The following SATB1 variants were observed in gnomAD, a reference collection of about 807,000 sequenced individuals.
The protein encoded by SATB1 is SATB homeobox 1.
SATB1 carries 11 observed loss-of-function variants against 86.9 expected under a neutral mutation model. The observed-to-expected ratio is 0.13, with a 90% confidence interval of 0.08 to 0.21. The LOEUF is 0.21. Ranked by LOEUF, SATB1 falls within the 10% of genes least tolerant of loss-of-function variation. The pLI, the probability that SATB1 is intolerant of heterozygous loss-of-function variation, is 1.00. For missense variants in SATB1, 551 were observed against 937.6 expected, an observed-to-expected ratio of 0.59 and a Z score of 5.39; for synonymous variants, 357 against 357.2, an observed-to-expected ratio of 1.00 and a Z score of 0.01.
At position 18,355,106 on chromosome 3, in the gene SATB1, T is replaced by C. The variant is rs1026191332; in HGVS notation, c.1576-2911A>G. On this transcript the variant is annotated intron_variant, in intron 9 of 10. Transcript: ENST00000338745. ...TGAAATCAGATGCTTCTTAGAAAAA[T>C]ATTTAACGGTGCAGCTGGGAACTGT... 4.6e-5 allele frequency among the ~76,000 whole-genome samples: 7 copies of C among 152,084 alleles called. No individual in the cohort carries two copies. In the East Asian group the frequency reaches 7.7e-4, roughly 17 times the overall value.
At chr3:18,417,976 C>T (rs1234953332) in intron 2 of SATB1, among the ~76,000 whole-genome samples, 1 of 152,126 alleles carries the variant, frequency 6.6e-6, no homozygotes, top group Non-Finnish European at 1.5e-5. Flanking sequence ...AAAGAGGCTT[C>T]TTCTAGAAAT....
At chr3:18,362,621 T>C (rs928476572) in intron 9 of SATB1, among the ~76,000 whole-genome samples, 1 of 151,840 alleles carries the variant, frequency 6.6e-6, no homozygotes, top group Admixed American at 6.6e-5. Flanking sequence ...CATAAAAAAC[T>C]CTGTCAAAGG....
chr3:18,425,547 ATGAG>A (rs549913670), upstream of SATB1, among the ~76,000 whole-genome samples: 3 of 150,336 alleles, frequency 2.0e-5, no homozygotes, highest in South Asian at 2.1e-4. Context: ...TAACTAGTGA[ATGAG>A]TGAGGGAATG....
chr3:18,403,536 T>C (rs1378843652), intron 5 of SATB1, among the ~76,000 whole-genome samples: 1 of 152,156 alleles, frequency 6.6e-6, no homozygotes, highest in African/African-American at 2.4e-5. Context: ...CTGTTTATAA[T>C]ACATATCTGT....
chr3:18,382,297 T>G (rs1002603051), intron 8 of SATB1, among the ~76,000 whole-genome samples: 1 of 151,806 alleles, frequency 6.6e-6, no homozygotes, highest in Non-Finnish European at 1.5e-5. Context: ...ATGTAAAAAA[T>G]GAAGAAAAAA....
intron 9 of SATB1, 61 bp downstream of exon 9, chr3:18,378,109 T>G: frequency 7.1e-7 from 1 of 1,412,024 alleles, no homozygotes. Context: ...GACACTCCTT[T>G]TAATGAAAAT....
intron 7 of SATB1, among the ~76,000 whole-genome samples, chr3:18,390,765 A>G (rs1194659247): frequency 6.6e-6 from 1 of 152,044 alleles, no homozygotes; most frequent in Non-Finnish European, 1.5e-5. Flanking sequence ...GAGGAGGGGG[A>G]AGAAAAAGGG....
intron 9 of SATB1, among the ~76,000 whole-genome samples, chr3:18,354,612 A>T (rs1165532234): frequency 6.6e-6 from 1 of 152,200 alleles, no homozygotes; most frequent in Non-Finnish European, 1.5e-5. Context: ...GATTCATGTA[A>T]GAAAAGCTTC....
In SATB1 at chr3:18,345,840, A is replaced by T. The variant is rs1041471854; in HGVS notation, c.*3330T>A. ...TCTCATTTATTGAGAATATTGTGAC[A>T]ATCAAAGACCTTAATATCAGCCAGA... On this transcript the variant is annotated 3_prime_UTR_variant, in exon 11 of 11. Coordinates refer to ENST00000338745, the MANE Select transcript of SATB1 (RefSeq NM_002971.6). The T allele has an allele frequency of 1.3e-5, 2 of 152,102 alleles. No individual in the cohort carries two copies. Among genetic ancestry groups the T allele is most frequent in the African/African-American group, 4.8e-5 (2 of 41,444 alleles). 9.4% of individuals were successfully genotyped at this position (152,102 alleles called of 1,614,324 possible).
At chr3:18,425,443 G>C (rs1202297663), upstream of SATB1, 3 of 151,530 alleles carry the variant, frequency 2.0e-5, no homozygotes, top group African/African-American at 7.3e-5. Context: ...GGTGCACGGA[G>C]CGGGCGGAAA....
intron 5 of SATB1, among the ~76,000 whole-genome samples, chr3:18,412,515 A>G (rs915763712): frequency 6.6e-6 from 1 of 151,988 alleles, no homozygotes; most frequent in Non-Finnish European, 1.5e-5. Context: ...TAAAACCCTT[A>G]CTGTACAGTA....
intron 5 of SATB1, among the ~76,000 whole-genome samples, chr3:18,400,642 C>T (rs1697212690): frequency 6.6e-6 from 1 of 152,148 alleles, no homozygotes; most frequent in Admixed American, 6.6e-5. Flanking sequence ...AGATGTGATA[C>T]AATTAGCACA....
intron 5 of SATB1, among the ~76,000 whole-genome samples, chr3:18,404,582 A>G (rs1697427330): frequency 6.6e-6 from 1 of 152,060 alleles, no homozygotes; most frequent in Non-Finnish European, 1.5e-5. Flanking sequence ...TTTCCTAAAG[A>G]TGAAAATGTG....
intron 2 of SATB1, chr3:18,435,003 G>A (rs1276543820): frequency 1.3e-5 from 2 of 152,002 alleles, no homozygotes; most frequent in Admixed American, 1.3e-4. Flanking sequence ...TTTTCTAAAC[G>A]TTGTGTATTA....
chr3:18,445,299 C>A (rs1244860886), intron 1 of SATB1: 9 of 985,494 alleles, frequency 9.1e-6, no homozygotes, highest in Non-Finnish European at 1.1e-5. Flanking sequence ...GCCGCCGCCG[C>A]CGCCGCCGCT....
intron 9 of SATB1, among the ~76,000 whole-genome samples, chr3:18,372,470 G>A (rs1364408261): frequency 6.6e-6 from 1 of 152,142 alleles, no homozygotes; most frequent in Non-Finnish European, 1.5e-5. Flanking sequence ...GAGATCTTCT[G>A]TTCATTTTTT....
At chr3:18,423,154 ATGG>A (rs1279569424) in intron 1 of SATB1, among the ~76,000 whole-genome samples, 1 of 152,198 alleles carries the variant, frequency 6.6e-6, no homozygotes, top group Non-Finnish European at 1.5e-5. Flanking sequence ...GGAACTAACT[ATGG>A]TCTCAACAGA....
At chr3:18,384,982 TAA>T in intron 8 of SATB1, among the ~76,000 whole-genome samples, 1 of 152,292 alleles carries the variant, frequency 6.6e-6, no homozygotes, top group Middle Eastern at 3.4e-3. Context: ...TTTCATTAAA[TAA>T]ACTAGTGAAA....
At position 18,352,263 on chromosome 3, in the gene SATB1, T is replaced by C; in HGVS notation, c.1576-68A>G. 7.2e-7 allele frequency: 1 copy of C among 1,388,492 alleles called. No individual in the cohort carries two copies. The highest frequency in any genetic ancestry group is 1.0e-6 in the Non-Finnish European group (1 of 987,992). The allele number at this position is 1,388,492 out of a possible 1,614,324, so 86.0% of individuals were successfully genotyped here. On this transcript the variant is annotated intron_variant, in intron 9 of 10. Transcript: ENST00000338745. This position sits in a 1 kb window ranked among gnomAD's most constrained non-coding sequence, Gnocchi z 4.1. ...GGGGCTGGCATTTTCCATTAGGAGCTAAAAAGGAAAAACCCTATGAATTAA... is the reference window on the plus strand; with the variant it reads ...GGGGCTGGCATTTTCCATTAGGAGCCAAAAAGGAAAAACCCTATGAATTAA...
Sources: gnomAD v4.1 joint callset for allele counts (sites outside exome capture counted in the v4.1 genomes callset) on GRCh38, gnomAD v4.1.1 for gene constraint, Gnocchi (gnomAD v3.1) non-coding constraint, MANE v1.5 for transcripts, NCBI Gene and HGNC (gene_info 2026-07-23, HGNC 2026-07-21) for gene names.